The following DENND1B variants were observed in gnomAD, a reference collection of about 807,000 sequenced individuals.
The protein encoded by DENND1B is DENN domain-containing protein 1B.
In DENND1B, 59 loss-of-function variants were observed where a neutral mutation model predicts 90.1. The observed-to-expected ratio is 0.65, with a 90% CI of 0.53 to 0.81. The LOEUF (loss-of-function observed/expected upper bound fraction) is 0.81, where lower values mean the gene tolerates loss of function less well. DENND1B is among the 40% of genes least tolerant of loss of function. DENND1B has a pLI of 0.00. For missense variants in DENND1B, 862 were observed against 912.6 expected, an observed-to-expected ratio of 0.94 and a Z score of 0.71; for synonymous variants, 337 against 324.6, an observed-to-expected ratio of 1.04 and a Z score of -0.41.
intron 2 of DENND1B, among the ~76,000 whole-genome samples, chr1:197,749,814 T>C (rs1265397689): frequency 6.6e-6 from 1 of 152,138 alleles, no homozygotes; most frequent in Non-Finnish European, 1.5e-5. Flanking sequence ...TTTCAATTTA[T>C]AGTGAAGTTT....
At chr1:197,760,798 T>C (rs1402109823) in intron 2 of DENND1B, among the ~76,000 whole-genome samples, 2 of 151,974 alleles carry the variant, frequency 1.3e-5, no homozygotes, top group Non-Finnish European at 2.9e-5. Flanking sequence ...TCTTAAACAT[T>C]ATACTGCGGG....
At chr1:197,724,113 T>C (rs1187102991) in intron 2 of DENND1B, among the ~76,000 whole-genome samples, 2 of 152,084 alleles carry the variant, frequency 1.3e-5, no homozygotes, top group African/African-American at 4.8e-5. Flanking sequence ...CTTCTAATAC[T>C]CCTGGATATA....
At position 197,595,191 on chromosome 1, in the gene DENND1B, T is replaced by C. The variant is rs1374356823; in HGVS notation, c.1047+17A>G. 6.3e-7 allele frequency: 1 copy of C among 1,595,884 alleles called. No homozygotes were observed. The highest frequency in any genetic ancestry group is 8.5e-7 in the Non-Finnish European group (1 of 1,173,982). ...ATAAAAAAGCAAATTAAAACAGTGA[T>C]GAAACAAAACGCTTACAGGTTTGTA... is the stretch of plus-strand genomic sequence containing the variant. On this transcript the variant is annotated intron_variant, in intron 14 of 22. Coordinates refer to ENST00000620048, the MANE Select transcript of DENND1B (RefSeq NM_001195215.2).
intron 16 of DENND1B, chr1:197,552,577 C>A (rs553276980): frequency 4.1e-6 from 4 of 986,588 alleles, no homozygotes; most frequent in African/African-American, 1.7e-5. Context: ...AATAATAATA[C>A]AGTTACTTAA....
chr1:197,515,708 C>T (rs138903176), intron 20 of DENND1B, among the ~76,000 whole-genome samples: 15 of 151,912 alleles, frequency 9.9e-5, no homozygotes, highest in African/African-American at 3.1e-4. Context: ...CTCTCACATA[C>T]ACACAGATAC....
intron 3 of DENND1B, among the ~76,000 whole-genome samples, chr1:197,682,826 C>T (rs1656832314): frequency 1.3e-5 from 2 of 152,114 alleles, no homozygotes; most frequent in African/African-American, 4.8e-5. Context: ...ATAAGACAAA[C>T]TGGATTGAGA....
At chr1:197,683,333 A>G (rs939754698) in intron 3 of DENND1B, among the ~76,000 whole-genome samples, 2 of 152,150 alleles carry the variant, frequency 1.3e-5, no homozygotes, top group Admixed American at 6.6e-5. Context: ...CAAGGAAGGG[A>G]TATGATTGGA....
At chr1:197,528,588 C>A (rs1341055492) in intron 20 of DENND1B, among the ~76,000 whole-genome samples, 1 of 152,138 alleles carries the variant, frequency 6.6e-6, no homozygotes, top group Admixed American at 6.5e-5. Context: ...TGGCCGGGCG[C>A]GGTGACTCAC....
chr1:197,547,511 T>C (rs916222367), intron 16 of DENND1B, among the ~76,000 whole-genome samples: 1 of 152,282 alleles, frequency 6.6e-6, no homozygotes, highest in South Asian at 2.1e-4. Flanking sequence ...TTTAAAATCT[T>C]ACTCTAATTT....
intron 13 of DENND1B, chr1:197,606,834 TGCATCTA>T (rs1407275932): frequency 1.3e-5 from 5 of 381,058 alleles, no homozygotes; most frequent in Non-Finnish European, 1.4e-5. Flanking sequence ...GCCTAATGAA[TGCATCTA>T]GCTTTTTAAT....
chr1:197,543,317 A>C (rs1174207846), intron 18 of DENND1B, among the ~76,000 whole-genome samples: 2 of 152,200 alleles, frequency 1.3e-5, no homozygotes, highest in Non-Finnish European at 2.9e-5. Context: ...GATTAGAATG[A>C]TAAATTTTAA....
chr1:197,522,597 C>A (rs1000638350), intron 20 of DENND1B, among the ~76,000 whole-genome samples: 12 of 152,118 alleles, frequency 7.9e-5, no homozygotes, highest in Non-Finnish European at 1.8e-4. Context: ...AGAATCATAT[C>A]TTTTCATTTG....
At chr1:197,713,745 A>C (rs1410938232) in intron 3 of DENND1B, among the ~76,000 whole-genome samples, 3 of 88,956 alleles carry the variant, frequency 3.4e-5, no homozygotes, top group Non-Finnish European at 6.3e-5. Flanking sequence ...AAAAAAAAAA[A>C]ATTAAAAAAA....
chr1:197,762,971 G>A (rs1321458894), intron 2 of DENND1B, among the ~76,000 whole-genome samples: 4 of 152,030 alleles, frequency 2.6e-5, no homozygotes, highest in Non-Finnish European at 5.9e-5. Flanking sequence ...ACTACTACAG[G>A]ACCCAGCAAT....
intron 20 of DENND1B, among the ~76,000 whole-genome samples, chr1:197,530,884 T>C (rs1427851179): frequency 1.3e-5 from 2 of 152,220 alleles, no homozygotes; most frequent in Admixed American, 1.3e-4. Context: ...TAAATCCTAG[T>C]ACCTTTTTCA....
chr1:197,636,727 T>C (rs1679827222), intron 10 of DENND1B, among the ~76,000 whole-genome samples: 1 of 152,180 alleles, frequency 6.6e-6, no homozygotes, highest in African/African-American at 2.4e-5. Flanking sequence ...TCAGTATATA[T>C]GATCTGAAAA....
intron 20 of DENND1B, among the ~76,000 whole-genome samples, chr1:197,527,547 G>T (rs1481091538): frequency 6.6e-6 from 1 of 152,092 alleles, no homozygotes; most frequent in African/African-American, 2.4e-5. Flanking sequence ...CTCCAAACGT[G>T]CTGGGATTAC....
chr1:197,740,854 C>T (rs1172012198), intron 2 of DENND1B, among the ~76,000 whole-genome samples: 3 of 152,128 alleles, frequency 2.0e-5, no homozygotes, highest in Non-Finnish European at 4.4e-5. Flanking sequence ...TTATGAAGCA[C>T]TTTTGCAAGA....
chr1:197,578,095 G>GAAGATTTTGATCA (rs1324742443), intron 15 of DENND1B, among the ~76,000 whole-genome samples: 1 of 152,164 alleles, frequency 6.6e-6, no homozygotes, highest in Non-Finnish European at 1.5e-5. Context: ...CAGGGGAGGG[G>GAAGATTTTGATCA]AAGATTTTGA....
Sources: gnomAD v4.1 joint callset for allele counts (sites outside exome capture counted in the v4.1 genomes callset) on GRCh38, gnomAD v4.1.1 for gene constraint, MANE v1.5 for transcripts, NCBI Gene and HGNC (gene_info 2026-07-23, HGNC 2026-07-21) for gene names.